Variants in KATNBL1 observed in about 807,000 individuals in gnomAD.
The protein encoded by KATNBL1 is katanin regulatory subunit B1 like 1, also known as KATNB1-like protein 1.
KATNBL1 carries 28 observed loss-of-function variants against 44.7 expected under a neutral mutation model. That is an observed-to-expected ratio of 0.63 (90% confidence interval 0.46 to 0.86). The LOEUF (loss-of-function observed/expected upper bound fraction) is 0.86. Ranked by LOEUF, KATNBL1 falls within the 40% of genes least tolerant of loss-of-function variation. The pLI is 0.00. For synonymous variants in KATNBL1, 78 were observed against 114.9 expected, an observed-to-expected ratio of 0.68 and a Z score of 2.06; for missense variants, 272 against 350.7, an observed-to-expected ratio of 0.78 and a Z score of 1.79.
At chr15:34,145,548 T>C (rs1888282055) in intron 8 of KATNBL1, 57 bp from the exon 9 acceptor site, 4 of 1,312,854 alleles carry the variant, frequency 3.0e-6, no homozygotes, top group East Asian at 3.3e-5. Flanking sequence ...ATACAAACTT[T>C]CATCATAAAT....
At chr15:34,189,801 G>C (rs1390950709) in intron 1 of KATNBL1, among the ~76,000 whole-genome samples, 2 of 152,064 alleles carry the variant, frequency 1.3e-5, no homozygotes, top group African/African-American at 2.4e-5. Flanking sequence ...CTGTTCAAAA[G>C]AGAAAATCAA....
chr15:34,160,507 C>T (rs1457598412), intron 2 of KATNBL1, among the ~76,000 whole-genome samples: 2 of 152,114 alleles, frequency 1.3e-5, no homozygotes, highest in Non-Finnish European at 2.9e-5. Flanking sequence ...CATATTTTCT[C>T]ATTTGCTCTT....
At position 34,172,298 on chromosome 15, in the gene KATNBL1, C is replaced by T. The variant is rs145768825; in HGVS notation, c.-14-8608G>A. Among the ~76,000 whole-genome samples, 1,343 of 134,962 alleles carry T rather than the reference C, an allele frequency of 1.0e-2. 10 individuals carry two copies. The highest frequency in any genetic ancestry group is 0.045 in the Middle Eastern group (10 of 224). The allele number at this position is 134,962 out of a possible 152,430, so 88.5% of individuals were successfully genotyped here. Reference sequence around the variant, plus strand: ...TTGAGATGGAGTCTCACTCTATTGCCCAGGCTGAAGTCCAGTGGCACGATC... The same window carrying T: ...TTGAGATGGAGTCTCACTCTATTGCTCAGGCTGAAGTCCAGTGGCACGATC... On this transcript the variant is annotated intron_variant, in intron 1 of 9. Coordinates refer to ENST00000256544, the MANE Select transcript of KATNBL1 (RefSeq NM_024713.3).
intron 1 of KATNBL1, among the ~76,000 whole-genome samples, chr15:34,198,090 G>A (rs1890073754): frequency 2.0e-5 from 3 of 152,044 alleles, no homozygotes; most frequent in South Asian, 2.1e-4. Context: ...AGGACGATAC[G>A]CTAATAGGAA....
intron 1 of KATNBL1, among the ~76,000 whole-genome samples, chr15:34,204,125 C>T (rs570233885): frequency 3.6e-4 from 55 of 152,144 alleles, no homozygotes; most frequent in African/African-American, 1.2e-3. Context: ...TTAAGACTCC[C>T]CTGTCCACAT....
chr15:34,188,136 G>GCAAAAAAAAAAAAAAAAA (rs1394136257), intron 1 of KATNBL1, among the ~76,000 whole-genome samples: 13 of 6,586 alleles, frequency 2.0e-3, no homozygotes, highest in Non-Finnish European at 4.4e-3. Flanking sequence ...AAGACGCCAT[G>GCAAAAAAAAAAAAAAAAA]TAAAAAAAAA....
chr15:34,171,076 T>C (rs560678943), intron 1 of KATNBL1, among the ~76,000 whole-genome samples: 148 of 152,204 alleles, frequency 9.7e-4, no homozygotes, highest in Non-Finnish European at 1.6e-3. Context: ...AAAGCCAAAA[T>C]AGACAAATGG....
intron 2 of KATNBL1, among the ~76,000 whole-genome samples, chr15:34,160,884 C>T (rs773605669): frequency 6.6e-6 from 1 of 152,136 alleles, no homozygotes; most frequent in Non-Finnish European, 1.5e-5. Flanking sequence ...CTCAATCCCC[C>T]CTACTGGAGA....
At chr15:34,175,501 G>A (rs955553804) in intron 1 of KATNBL1, among the ~76,000 whole-genome samples, 2 of 152,054 alleles carry the variant, frequency 1.3e-5, no homozygotes, top group African/African-American at 4.8e-5. Flanking sequence ...CTTTCATATG[G>A]GAGACATGTT....
At chr15:34,174,933 C>T (rs975677261) in intron 1 of KATNBL1, among the ~76,000 whole-genome samples, 8 of 150,950 alleles carry the variant, frequency 5.3e-5, no homozygotes, top group African/African-American at 1.7e-4. Flanking sequence ...TGAGCCACTG[C>T]GACTGGCCAC....
intron 1 of KATNBL1, among the ~76,000 whole-genome samples, chr15:34,170,040 G>T (rs1171192316): frequency 6.6e-6 from 1 of 152,184 alleles, no homozygotes; most frequent in African/African-American, 2.4e-5. Flanking sequence ...AGACACGGAT[G>T]CCCTCTCTCA....
At chr15:34,201,910 TAAC>T (rs1189655546) in intron 1 of KATNBL1, among the ~76,000 whole-genome samples, 1 of 152,198 alleles carries the variant, frequency 6.6e-6, no homozygotes, top group Non-Finnish European at 1.5e-5. Context: ...TAATACAGTA[TAAC>T]AACTATTTAC....
At chr15:34,186,693 G>A (rs1179641775) in intron 1 of KATNBL1, among the ~76,000 whole-genome samples, 1 of 152,198 alleles carries the variant, frequency 6.6e-6, no homozygotes, top group African/African-American at 2.4e-5. Flanking sequence ...GTCCCTGCAG[G>A]CTCAGGGGTG....
In KATNBL1 at chr15:34,185,686, T is replaced by C. The variant is rs140680747; in HGVS notation, c.-14-21996A>G. ...GACAATGCAGGGAAGAAGGCTCTAA[T>C]CAGGTGCTGCAGCTCAGGAAATGGA... On this transcript the variant is annotated intron_variant, in intron 1 of 9. Transcript: ENST00000256544. Among the ~76,000 whole-genome samples the C allele has an allele frequency of 1.3e-3, 203 of 152,234 alleles. 1 individual carries two copies. Among genetic ancestry groups the C allele is most frequent in the African/African-American group, 4.8e-3 (198 of 41,530 alleles).
intron 1 of KATNBL1, among the ~76,000 whole-genome samples, chr15:34,203,912 G>T (rs556028158): frequency 6.6e-6 from 1 of 151,742 alleles, no homozygotes; most frequent in African/African-American, 2.4e-5. Context: ...GATAGCATTA[G>T]GAGAAACACC....
chr15:34,176,129 C>A (rs1889324385), intron 1 of KATNBL1, among the ~76,000 whole-genome samples: 2 of 151,710 alleles, frequency 1.3e-5, no homozygotes, highest in South Asian at 2.1e-4. Context: ...AATACCAACA[C>A]TTTGGGAGGC....
intron 4 of KATNBL1, among the ~76,000 whole-genome samples, chr15:34,151,672 G>A (rs1888483108): frequency 6.6e-6 from 1 of 151,678 alleles, no homozygotes; most frequent in South Asian, 2.1e-4. Flanking sequence ...GGCGAGTCTT[G>A]AACTCCTGAC....
At position 34,193,216 on chromosome 15, in the gene KATNBL1, C is replaced by CAAAAAA. The variant is rs34216208; in HGVS notation, c.-15+16729_-15+16734dup. Among the ~76,000 whole-genome samples the CAAAAAA allele has an allele frequency of 2.7e-3, 179 of 66,318 alleles. 10 individuals are homozygous for CAAAAAA. The highest frequency in any genetic ancestry group is 6.6e-3 in the African/African-American group (81 of 12,274). The allele number at this position is 66,318 out of a possible 152,430, so 43.5% of individuals were successfully genotyped here. ...TGGGCGACAGAGCGAGACTCCGTCT[C>CAAAAAA]AAAAAAAAAAAAAAAAAAACAAAAA... On this transcript the variant is annotated intron_variant, in intron 1 of 9. Transcript: ENST00000256544.
Position 34,152,934 on chromosome 15 carries a change from T to C in KATNBL1, c.294A>G (p.Ala98=). ...QSPGSGGCDM[A]NKENELACAG... ...CACAAGCCAGTTCATTTTCTTTATTTGCCATGTCACAGCCCCCACTTCCAG... is the reference window on the plus strand; with the variant it reads ...CACAAGCCAGTTCATTTTCTTTATTCGCCATGTCACAGCCCCCACTTCCAG... Residue 98 remains alanine (A), a synonymous_variant, in exon 4 of 10, where the codon GCA becomes GCG. Transcript: ENST00000256544. 1.2e-6 allele frequency: 2 copies of C among 1,614,140 alleles called. No individual in the cohort carries two copies. The highest frequency in any genetic ancestry group is 1.7e-6 in the Non-Finnish European group (2 of 1,179,980).
Sources: allele counts gnomAD v4.1 joint callset (sites outside exome capture counted in the v4.1 genomes callset), GRCh38; gene constraint gnomAD v4.1.1; transcripts MANE v1.5; gene names NCBI Gene and HGNC (gene_info 2026-07-23, HGNC 2026-07-21).